ANXA11: variants seen among roughly 807,000 people sequenced by gnomAD.
ANXA11 encodes the protein annexin A11.
ANXA11 carries 57 observed loss-of-function variants against 64.7 expected under a neutral mutation model. That is an observed-to-expected ratio of 0.88 (90% confidence interval 0.71 to 1.10). ANXA11 has a LOEUF of 1.10. Ranked by LOEUF, ANXA11 falls within the 50% of genes least tolerant of loss-of-function variation. The probability of loss-of-function intolerance (pLI) is 0.00; values close to 1 mark genes in which losing one functional copy is unlikely to be tolerated. For synonymous variants in ANXA11, 260 were observed against 265.2 expected, an observed-to-expected ratio of 0.98 and a Z score of 0.19; for missense variants, 675 against 670.7, an observed-to-expected ratio of 1.01 and a Z score of -0.07.
intron 4 of ANXA11, among the ~76,000 whole-genome samples, chr10:80,170,377 C>A (rs1317124373): frequency 6.6e-6 from 1 of 152,164 alleles, no homozygotes; most frequent in Non-Finnish European, 1.5e-5. Context: ...TAAAAAGTAG[C>A]ATGTCTGCCC....
At chr10:80,160,626 T>C (rs1471731120) in intron 12 of ANXA11, among the ~76,000 whole-genome samples, 2 of 148,378 alleles carry the variant, frequency 1.3e-5, no homozygotes, top group Non-Finnish European at 2.9e-5. Flanking sequence ...CCCTAGCTGC[T>C]CCTTCTTAGT....
At position 80,163,399 on chromosome 10, in the gene ANXA11, G is replaced by A. The variant is rs770574196; in HGVS notation, c.1036C>T (p.Arg346Cys). ...ATGTCCACGTTTGTGCTTTCATCAC[G>A]GTTTCCCTGAAAGGAAGCAGGTGTA... The part of the protein sequence containing the change: ...RLLISLSQGN[R>C]DESTNVDMSL... The change falls in exon 11 of 16, where the codon CGT (arginine) becomes TGT (cysteine). Residue 346 changes from arginine (R) to cysteine (C), a missense_variant. Arg to Cys is a radical substitution (Grantham distance 180, BLOSUM62 -3). Coordinates refer to ENST00000422982, the MANE Select transcript of ANXA11 (RefSeq NM_145868.2). 1.3e-5 allele frequency: 21 copies of A among 1,613,838 alleles called. No individual in the cohort carries two copies. The highest frequency in any genetic ancestry group is 2.7e-5 in the African/African-American group (2 of 74,898).
intron 5 of ANXA11, among the ~76,000 whole-genome samples, chr10:80,167,555 T>C (rs1179997277): frequency 2.0e-5 from 3 of 152,200 alleles, no homozygotes; most frequent in Admixed American, 6.5e-5. Flanking sequence ...CACCTATAGC[T>C]GAGTCCTGAT....
intron 12 of ANXA11, among the ~76,000 whole-genome samples, chr10:80,160,305 G>A (rs538994758): frequency 2.0e-5 from 3 of 152,290 alleles, no homozygotes; most frequent in Non-Finnish European, 4.4e-5. Flanking sequence ...TCCATTACAG[G>A]ATAGTGCAGA....
At chr10:80,168,033 A>G (rs994948819) in intron 5 of ANXA11, among the ~76,000 whole-genome samples, 1 of 152,082 alleles carries the variant, frequency 6.6e-6, no homozygotes, top group Non-Finnish European at 1.5e-5. Flanking sequence ...GTGGGTATGG[A>G]AGGGAAGGAG....
chr10:80,157,456 T>A (rs950928307), intron 15 of ANXA11, 185 bp downstream of exon 15: 1 of 985,260 alleles, frequency 1.0e-6, no homozygotes, highest in Non-Finnish European at 1.2e-6. Context: ...AGCAAGGTCA[T>A]GATCCACCTG....
At chr10:80,180,638 A>G (rs1453426049) in intron 1 of ANXA11, among the ~76,000 whole-genome samples, 1 of 130,808 alleles carries the variant, frequency 7.6e-6, no homozygotes, top group Non-Finnish European at 1.7e-5. Flanking sequence ...ATTGATTTGT[A>G]TATTAGTTTT....
intron 13 of ANXA11, 132 bp from the exon 14 acceptor site, chr10:80,158,157 C>A: frequency 1.2e-6 from 1 of 813,656 alleles, no homozygotes; most frequent in Admixed American, 2.2e-5. Flanking sequence ...TCTCCTCCTC[C>A]TTCTGTTCCA....
chr10:80,157,393 G>C (rs184492160), intron 15 of ANXA11: 2 of 985,406 alleles, frequency 2.0e-6, no homozygotes, highest in Admixed American at 1.2e-4. Context: ...GTCAAGGTTG[G>C]GGAGGTCCCG....
intron 1 of ANXA11, among the ~76,000 whole-genome samples, chr10:80,178,311 C>T (rs572629696): frequency 2.6e-5 from 4 of 152,324 alleles, no homozygotes; most frequent in South Asian, 4.1e-4. Context: ...AAGAGACATG[C>T]TTCACACTGC....
At chr10:80,174,105 A>G (rs888344525) in intron 2 of ANXA11, among the ~76,000 whole-genome samples, 2 of 152,082 alleles carry the variant, frequency 1.3e-5, no homozygotes, top group Non-Finnish European at 2.9e-5. Flanking sequence ...CCCAGACTGG[A>G]GTGCACTGGC....
chr10:80,180,683 TACAC>T (rs140861029), intron 1 of ANXA11, among the ~76,000 whole-genome samples: 1 of 151,726 alleles, frequency 6.6e-6, no homozygotes, highest in Admixed American at 6.6e-5. Context: ...AACCTGTTTT[TACAC>T]ACACACACAC....
chr10:80,189,140 C>T (rs779511804), intron 1 of ANXA11, among the ~76,000 whole-genome samples: 7 of 152,174 alleles, frequency 4.6e-5, no homozygotes, highest in Admixed American at 2.6e-4. Context: ...CTAGATTATC[C>T]GGGTGGGCCC....
At chr10:80,166,349 C>G (rs928914064) in intron 7 of ANXA11, 152 bp from the exon 8 acceptor site, 10 of 584,278 alleles carry the variant, frequency 1.7e-5, no homozygotes, top group Admixed American at 1.2e-4. Flanking sequence ...CTGCTCTCAG[C>G]CCTGCCCCAA....
intron 1 of ANXA11, among the ~76,000 whole-genome samples, chr10:80,194,005 G>C (rs1846884373): frequency 2.0e-5 from 3 of 151,830 alleles, no homozygotes; most frequent in Admixed American, 2.0e-4. Context: ...TTTTAGTAGA[G>C]ACAGGGTTTC....
intron 5 of ANXA11, among the ~76,000 whole-genome samples, chr10:80,168,764 T>G (rs1018710498): frequency 5.3e-5 from 8 of 152,286 alleles, no homozygotes; most frequent in African/African-American, 1.9e-4. Context: ...CTTGAACTCC[T>G]GGGCTCAAGC....
chr10:80,166,046 A>G (rs766750902), intron 8 of ANXA11, 38 bp downstream of exon 8: 18 of 305,100 alleles, frequency 5.9e-5, no homozygotes, highest in Middle Eastern at 1.3e-3. Context: ...ACGCGCGCAC[A>G]CACACACACA....
intron 3 of ANXA11, chr10:80,171,596 G>A (rs1225323533): frequency 2.2e-5 from 22 of 980,410 alleles, no homozygotes; most frequent in Admixed American, 1.2e-4. Flanking sequence ...CTGCTGTGAC[G>A]AAGACTGAGT....
intron 3 of ANXA11, chr10:80,171,247 G>A (rs1361689418): frequency 8.4e-7 from 1 of 1,184,852 alleles, no homozygotes; most frequent in Non-Finnish European, 1.1e-6. Flanking sequence ...GGACAGACAA[G>A]GACAGACTGT....
Sources: gnomAD v4.1 joint callset for allele counts (sites outside exome capture counted in the v4.1 genomes callset) on GRCh38, gnomAD v4.1.1 for gene constraint, MANE v1.5 for transcripts, NCBI Gene and HGNC (gene_info 2026-07-23, HGNC 2026-07-21) for gene names.